Variants in MDM2 observed in about 807,000 individuals in gnomAD.
MDM2 encodes MDM2 proto-oncogene.
Under a neutral mutation model 64.3 loss-of-function variants are expected in MDM2, and 11 were observed. The observed-to-expected ratio is 0.17, with a 90% CI of 0.11 to 0.28. The LOEUF is 0.28. Among genes scored for constraint, MDM2 ranks in the 10% least tolerant of loss-of-function variants. MDM2 has a pLI of 1.00. For missense variants in MDM2, 388 were observed against 577.1 expected, an observed-to-expected ratio of 0.67 and a Z score of 3.36; for synonymous variants, 194 against 192.9, an observed-to-expected ratio of 1.01 and a Z score of -0.05.
At chr12:68,828,418 A>C (rs1309368989) in intron 7 of MDM2, 1 of 170,212 alleles carries the variant, frequency 5.9e-6, no homozygotes, top group Non-Finnish European at 1.3e-5. Flanking sequence ...AAAATACAAA[A>C]TGGTGCATTC....
rs3730613 is a variant in MDM2 at position 68,830,262 on chromosome 12, A to G, written c.684+1331A>G. ...TCTAGAAGATGTAGGAAGTGGAACC[A>G]ATTGTGATAGTAATCCTAGTCTTTT... On this transcript the variant is annotated intron_variant, in intron 8 of 10. Coordinates refer to ENST00000258149, the MANE Select transcript of MDM2 (RefSeq NM_002392.6). 6.0e-3 allele frequency among the ~76,000 whole-genome samples: 916 copies of G among 152,328 alleles called. 12 individuals are homozygous for G. Among genetic ancestry groups the G allele is most frequent in the African/African-American group, 0.021 (864 of 41,568 alleles).
chr12:68,831,915 C>G (rs1454557525), intron 8 of MDM2, among the ~76,000 whole-genome samples: 2 of 152,042 alleles, frequency 1.3e-5, no homozygotes, highest in Admixed American at 1.3e-4. Context: ...ACTAAAAATA[C>G]CAAAAATTAG....
intron 3 of MDM2, chr12:68,814,539 G>C: frequency 3.0e-6 from 1 of 333,100 alleles, no homozygotes; most frequent in Non-Finnish European, 5.9e-6. Flanking sequence ...AGAAGTTTGT[G>C]AAAATAAGAA....
In MDM2 at chr12:68,824,615, T is replaced by C. The variant is rs2136138603; in HGVS notation, c.487T>C (p.Ser163Pro). The change falls in exon 7 of 11, where the codon TCT (serine) becomes CCT (proline). Residue 163 changes from serine (S) to proline (P), a missense_variant. By Grantham distance (74) the Ser-to-Pro change is moderately conservative (BLOSUM62 -1). This residue lies in a region of MDM2 where 168 missense variants were observed against 236.6 expected (regional missense o/e 0.71). Transcript: ENST00000258149. ...PSSSHLVSRP[S>P]TSSRRRAISE... ...ATCTTCACATTTGGTTTCTAGACCATCTACCTCATCTAGAAGGAGAGCAAT... is the reference window on the plus strand; with the variant it reads ...ATCTTCACATTTGGTTTCTAGACCACCTACCTCATCTAGAAGGAGAGCAAT... 1 of 1,612,554 alleles carries C rather than the reference T, an allele frequency of 6.2e-7. No homozygotes were observed. Among genetic ancestry groups the C allele is most frequent in the East Asian group, 2.2e-5 (1 of 44,830 alleles).
chr12:68,841,052 G>T lies in MDM2; in HGVS notation c.*1203G>T, dbSNP rs1333445328. 1 of 181,806 alleles carries T rather than the reference G, an allele frequency of 5.5e-6. No homozygotes were observed. The highest frequency in any genetic ancestry group is 1.2e-5 in the Non-Finnish European group (1 of 85,590). 11.3% of individuals were successfully genotyped at this position (181,806 alleles called of 1,614,324 possible). ...GTAAAGACAGGGTTTCACCATGTTA[G>T]CCAGGCTGATCTTGAACTCCTAAAC... On this transcript the variant is annotated 3_prime_UTR_variant, in exon 11 of 11. Transcript: ENST00000258149.
chr12:68,808,637 C>T (rs1275923439), intron 1 of MDM2, 146 bp downstream of exon 1: 3 of 1,085,486 alleles, frequency 2.8e-6, no homozygotes, highest in Non-Finnish European at 3.7e-6. Context: ...GCATGGGGCA[C>T]GTGGCTTTGC....
intron 4 of MDM2, among the ~76,000 whole-genome samples, chr12:68,817,914 C>T (rs1009038120): frequency 3.3e-5 from 5 of 151,942 alleles, no homozygotes; most frequent in African/African-American, 1.2e-4. Context: ...TCTCCTGCCT[C>T]GGCTTCCCGA....
rs11177390 is a variant in MDM2, at chr12:68,843,898, C to G, written c.*4049C>G. 4,265 of 213,866 alleles carry G rather than the reference C, an allele frequency of 0.02. 167 individuals carry two copies. The highest frequency in any genetic ancestry group is 0.089 in the African/African-American group (3,921 of 44,158). The allele number at this position is 213,866 out of a possible 1,614,324, so 13.2% of individuals were successfully genotyped here. A position where few individuals can be genotyped will look rare whatever the true frequency, so the allele number is the denominator to read the frequency against. On this transcript the variant is annotated 3_prime_UTR_variant, in exon 11 of 11. Coordinates refer to ENST00000258149, the MANE Select transcript of MDM2 (RefSeq NM_002392.6). ...CAATTTGGAGTTGATAATATTTCAG[C>G]TAGAACCTAGTAGAATCTGTTTTTT...
chr12:68,816,480 C>T (rs1881393561), intron 3 of MDM2, among the ~76,000 whole-genome samples: 1 of 139,422 alleles, frequency 7.2e-6, no homozygotes, highest in South Asian at 2.4e-4. Context: ...TCAAGCAATT[C>T]TCCTGCCTCA....
intron 10 of MDM2, among the ~76,000 whole-genome samples, chr12:68,838,461 G>A (rs183483217): frequency 2.0e-5 from 3 of 152,326 alleles, no homozygotes; most frequent in African/African-American, 4.8e-5. Flanking sequence ...AGGATATTAC[G>A]GTTAGTGACC....
At chr12:68,833,126 CAAAAAAAA>C (rs35815088) in intron 8 of MDM2, among the ~76,000 whole-genome samples, 970 of 61,624 alleles carry the variant, frequency 0.016, 17 homozygotes, top group African/African-American at 0.047. Flanking sequence ...ACTCTGTCTC[CAAAAAAAA>C]AAAAAAAAAA....
At chr12:68,820,473 A>C in intron 5 of MDM2, 99 bp downstream of exon 5, 1 of 944,814 alleles carries the variant, frequency 1.1e-6, no homozygotes, top group Non-Finnish European at 1.6e-6. Flanking sequence ...TCTCTTTAAA[A>C]GTTGCTTTAA....
chr12:68,834,481 A>C, intron 8 of MDM2, among the ~76,000 whole-genome samples: 1 of 151,410 alleles, frequency 6.6e-6, no homozygotes, highest in East Asian at 1.9e-4. Context: ...TCACACCTGT[A>C]ATCCTAACAC....
chr12:68,833,625 G>A (rs749905835), intron 8 of MDM2, among the ~76,000 whole-genome samples: 6 of 151,468 alleles, frequency 4.0e-5, no homozygotes, highest in Admixed American at 2.0e-4. Context: ...TAATTATTTG[G>A]GCTCTGCCGG....
intron 2 of MDM2, among the ~76,000 whole-genome samples, chr12:68,810,443 T>G (rs1880771784): frequency 6.6e-6 from 1 of 152,032 alleles, no homozygotes; most frequent in South Asian, 2.1e-4. Flanking sequence ...ATACTGAATA[T>G]CACCAATCTT....
rs1436503571 is a variant in MDM2 at position 68,843,129 on chromosome 12, A to G, written c.*3280A>G. 1 of 223,678 alleles carries G rather than the reference A, an allele frequency of 4.5e-6. No individual in the cohort carries two copies. Among genetic ancestry groups the G allele is most frequent in the African/African-American group, 2.2e-5 (1 of 44,756 alleles). 13.9% of individuals were successfully genotyped at this position (223,678 alleles called of 1,614,324 possible). ...TTTAAAGCCACACAATAATTTTGGA[A>G]AACAATGTATGGGTAGAACATGTGT... On this transcript the variant is annotated 3_prime_UTR_variant, in exon 11 of 11. Coordinates refer to ENST00000258149, the MANE Select transcript of MDM2 (RefSeq NM_002392.6).
rs757975502 is a variant in MDM2 at position 68,839,421 on chromosome 12, T to G, written c.1066T>G (p.Ser356Ala). 6.2e-7 allele frequency: 1 copy of G among 1,613,654 alleles called. No homozygotes were observed. Among genetic ancestry groups the G allele is most frequent in the Admixed American group, 1.7e-5 (1 of 59,932 alleles). ...CTCTGAGAAAGCCAAACTGGAAAAC[T>G]CAACACAAGCTGAAGAGGGCTTTGA... is the stretch of plus-strand genomic sequence containing the variant. ...EISEKAKLENSTQAEEGFDVP... is the reference protein window; with the variant it reads ...EISEKAKLENATQAEEGFDVP... Residue 356 changes from serine to alanine, a missense_variant, in exon 11 of 11, where the codon TCA becomes GCA. Physicochemically the swap from Ser to Ala is moderately conservative, Grantham distance 99 (BLOSUM62 1). Around this residue, in one of 5 missense-constraint regions of MDM2, gnomAD observed 138 missense variants for 143.7 expected, o/e 0.96. Coordinates refer to ENST00000258149, the MANE Select transcript of MDM2 (RefSeq NM_002392.6).
intron 2 of MDM2, among the ~76,000 whole-genome samples, chr12:68,810,400 C>T (rs751413136): frequency 1.3e-4 from 19 of 151,948 alleles, no homozygotes; most frequent in Non-Finnish European, 2.4e-4. Context: ...GTAACTTGCT[C>T]ACCAAAAGGC....
At chr12:68,826,447 G>C (rs753201230) in intron 7 of MDM2, among the ~76,000 whole-genome samples, 1 of 151,894 alleles carries the variant, frequency 6.6e-6, no homozygotes, top group East Asian at 1.9e-4. Context: ...TTAAGAGTTC[G>C]AGACCAACCT....
Sources: allele counts gnomAD v4.1 joint callset (sites outside exome capture counted in the v4.1 genomes callset), GRCh38; gene constraint gnomAD v4.1.1; regional missense constraint gnomAD v4.1.1; transcripts MANE v1.5; gene names NCBI Gene and HGNC (gene_info 2026-07-23, HGNC 2026-07-21).